DNAH3: variants seen among roughly 807,000 people sequenced by gnomAD.
DNAH3 encodes the protein dynein axonemal heavy chain 3.
In DNAH3, 332 loss-of-function variants were observed where a neutral mutation model predicts 432.5. That is an observed-to-expected ratio of 0.77 (90% CI 0.70 to 0.84). The LOEUF (loss-of-function observed/expected upper bound fraction) is 0.84, where lower values mean the gene tolerates loss of function less well. Among genes scored for constraint, DNAH3 ranks in the 40% least tolerant of loss-of-function variants. The pLI is 0.00. For synonymous variants in DNAH3, 1,956 were observed against 1,900.2 expected (o/e 1.03, Z -0.76); for missense variants, 4,861 against 5,114.0 (o/e 0.95, Z 1.51).
intron 57 of DNAH3, among the ~76,000 whole-genome samples, chr16:20,945,188 G>A (rs1000995415): frequency 2.6e-5 from 4 of 152,150 alleles, no homozygotes; most frequent in Admixed American, 1.3e-4. Context: ...AGATGGCCAC[G>A]GAAGTGACCT....
intron 58 of DNAH3, among the ~76,000 whole-genome samples, chr16:20,941,903 C>T (rs954329723): frequency 6.6e-6 from 1 of 151,944 alleles, no homozygotes; most frequent in Non-Finnish European, 1.5e-5. Flanking sequence ...ACAAAAAATA[C>T]AAAAATTAGC....
At chr16:20,989,035 G>C (rs1020863386) in intron 44 of DNAH3, among the ~76,000 whole-genome samples, 1 of 152,204 alleles carries the variant, frequency 6.6e-6, no homozygotes, top group African/African-American at 2.4e-5. Context: ...TGGACCCACA[G>C]AGTGAGCACC....
At chr16:21,148,267 AC>A (rs1382156226) in intron 1 of DNAH3, among the ~76,000 whole-genome samples, 1 of 152,044 alleles carries the variant, frequency 6.6e-6, no homozygotes, top group African/African-American at 2.4e-5. Context: ...AATACTATCT[AC>A]CATTATTCCA....
Position 21,019,765 on chromosome 16 carries a change from A to G in DNAH3, c.5881T>C (p.Trp1961Arg), listed in dbSNP as rs781683042. ...GCGTTGATGGTGCCAGCCACGGTCCACACCAAGGAAAAGAGAAACAGTCCT... is the reference window on the plus strand; with the variant it reads ...GCGTTGATGGTGCCAGCCACGGTCCGCACCAAGGAAAAGAGAAACAGTCCT... The change falls in exon 41 of 62, where the codon TGG (tryptophan) becomes CGG (arginine). Residue 1961 changes from tryptophan to arginine, a missense_variant. Physicochemically the swap from Trp to Arg is moderately radical, Grantham distance 101 (BLOSUM62 -3). Transcript: ENST00000261383. 4.0e-5 allele frequency: 65 copies of G among 1,614,074 alleles called. No individual in the cohort carries two copies. Among genetic ancestry groups the G allele is most frequent in the Non-Finnish European group, 5.3e-5 (62 of 1,180,044 alleles).
intron 15 of DNAH3, among the ~76,000 whole-genome samples, chr16:21,105,289 T>C (rs1371652636): frequency 6.6e-6 from 1 of 152,200 alleles, no homozygotes. Context: ...TCACAGGTAT[T>C]TTCAGATAGA....
intron 41 of DNAH3, among the ~76,000 whole-genome samples, chr16:21,009,369 G>A (rs915277609): frequency 1.3e-5 from 2 of 152,182 alleles, no homozygotes; most frequent in African/African-American, 2.4e-5. Flanking sequence ...AGGTAGACAA[G>A]CAAGGAAACG....
In DNAH3 at chr16:21,117,340, C is replaced by T; in HGVS notation, c.1700-23G>A. ...GCTCTGGGAACAGGACAGATTCCACCTGAAGAGTAAACACCACTTTTGCAT... is the reference window on the plus strand; with the variant it reads ...GCTCTGGGAACAGGACAGATTCCACTTGAAGAGTAAACACCACTTTTGCAT... On this transcript the variant is annotated intron_variant, in intron 11 of 61. Transcript: ENST00000261383. 1 of 1,526,986 alleles carries T rather than the reference C, an allele frequency of 6.5e-7. No individual in the cohort carries two copies. The highest frequency in any genetic ancestry group is 9.1e-7 in the Non-Finnish European group (1 of 1,104,366). The allele number at this position is 1,526,986 out of a possible 1,614,324, so 94.6% of individuals were successfully genotyped here.
chr16:21,012,141 A>C (rs988283734), intron 41 of DNAH3, among the ~76,000 whole-genome samples: 5 of 152,250 alleles, frequency 3.3e-5, no homozygotes, highest in African/African-American at 1.2e-4. Flanking sequence ...CATTCAAGAC[A>C]GTAAAAAGAA....
chr16:21,024,576 A>G lies in DNAH3; in HGVS notation c.5646+20T>C, dbSNP rs750952520. ...GCAGGGAGACAGCAGGAGGGGAAGG[A>G]AAGGGTCTGAGGGGCTCACCAATTC... is the stretch of plus-strand genomic sequence containing the variant. On this transcript the variant is annotated intron_variant, in intron 39 of 61. Coordinates refer to ENST00000261383, the Ensembl canonical transcript of DNAH3. The G allele has an allele frequency of 5.8e-6, 9 of 1,555,808 alleles. No homozygotes were observed. In the East Asian group the frequency reaches 2.1e-4, roughly 36 times the overall value.
At chr16:21,102,016 C>T (rs560046847) in intron 16 of DNAH3, among the ~76,000 whole-genome samples, 1 of 152,314 alleles carries the variant, frequency 6.6e-6, no homozygotes, top group African/African-American at 2.4e-5. Flanking sequence ...GCAGAGGAAG[C>T]AAGATTGTTT....
At chr16:20,943,585 G>C (rs1451602482) in intron 58 of DNAH3, among the ~76,000 whole-genome samples, 2 of 152,106 alleles carry the variant, frequency 1.3e-5, no homozygotes, top group Non-Finnish European at 2.9e-5. Flanking sequence ...TTTCGGGTCA[G>C]TGCCAATTCT....
At chr16:20,946,304 A>G (rs2084041847) in intron 57 of DNAH3, among the ~76,000 whole-genome samples, 1 of 152,198 alleles carries the variant, frequency 6.6e-6, no homozygotes, top group South Asian at 2.1e-4. Context: ...CCAATTGCCA[A>G]TCAGAAAACG....
chr16:21,127,896 C>A (rs2152817846), intron 7 of DNAH3, 84 bp from the exon 9 acceptor site: 1 of 1,504,348 alleles, frequency 6.6e-7, no homozygotes, highest in South Asian at 1.2e-5. Flanking sequence ...GGTGTGTGTT[C>A]ACGTTTCTCA....
rs1567801813 is a variant in DNAH3 at position 21,106,640 on chromosome 16, CTT to C, written c.2132_2133del (p.Lys711SerfsTer3). 6.2e-6 allele frequency: 10 copies of C among 1,604,422 alleles called. No individual in the cohort carries two copies. The highest frequency in any genetic ancestry group is 1.1e-5 in the South Asian group (1 of 89,634). The stretch of plus-strand genomic sequence containing the variant: ...TTAGTGTTGGCAGGAACCTCACTGA[CTT>C]TGTCTGCGATGTGGCTGTACTGATT... On this transcript the variant is annotated frameshift_variant, in exon 15 of 62. Coordinates refer to ENST00000261383, the Ensembl canonical transcript of DNAH3. LOFTEE classifies it high-confidence loss of function.
At chr16:21,073,004 T>A (rs2090848811) in intron 21 of DNAH3, among the ~76,000 whole-genome samples, 1 of 152,016 alleles carries the variant, frequency 6.6e-6, no homozygotes, top group African/African-American at 2.4e-5. Flanking sequence ...GTTTTACAAG[T>A]AGGTAAGGTC....
At chr16:21,108,072 C>T (rs963499645) in intron 14 of DNAH3, among the ~76,000 whole-genome samples, 7 of 152,082 alleles carry the variant, frequency 4.6e-5, no homozygotes, top group African/African-American at 7.2e-5. Context: ...TGGGGTTTCA[C>T]CATCTTGACC....
chr16:21,027,260 G>A, intron 37 of DNAH3, 133 bp from the exon 38 acceptor site: 1 of 640,090 alleles, frequency 1.6e-6, no homozygotes, highest in Non-Finnish European at 2.8e-6. Flanking sequence ...GATGTCCCAG[G>A]CACTGTTATG....
intron 1 of DNAH3, among the ~76,000 whole-genome samples, chr16:21,156,205 T>TTTTA (rs1166688525): frequency 1.1e-4 from 15 of 135,726 alleles, no homozygotes; most frequent in African/African-American, 3.8e-4. Context: ...ATTTTATTTA[T>TTTTA]TTTATTTTAT....
intron 37 of DNAH3, among the ~76,000 whole-genome samples, chr16:21,028,408 C>T (rs1372248477): frequency 6.6e-6 from 1 of 151,168 alleles, no homozygotes. Flanking sequence ...GTGATCCCAG[C>T]ACAGCACTTT....
Sources: allele counts gnomAD v4.1 joint callset (sites outside exome capture counted in the v4.1 genomes callset), GRCh38; gene constraint gnomAD v4.1.1; transcripts MANE v1.5; gene names NCBI Gene and HGNC (gene_info 2026-07-23, HGNC 2026-07-21).